Variants in SLC4A4 observed in about 807,000 individuals in gnomAD.
SLC4A4 encodes the protein solute carrier family 4 member 4.
A neutral mutation model predicts 111.5 loss-of-function variants in SLC4A4; 27 were observed. The observed-to-expected ratio is 0.24, with a 90% confidence interval of 0.18 to 0.33. The LOEUF (loss-of-function observed/expected upper bound fraction) is 0.33, where lower values mean the gene tolerates loss of function less well. Among genes scored for constraint, SLC4A4 ranks in the 10% least tolerant of loss-of-function variants. The pLI is 1.00. For synonymous variants in SLC4A4, 443 were observed against 463.4 expected (o/e 0.96, Z 0.57); for missense variants, 909 against 1,315.5 (o/e 0.69, Z 4.78).
intron 15 of SLC4A4, among the ~76,000 whole-genome samples, chr4:71,489,708 A>C (rs186576776): frequency 1.4e-3 from 205 of 151,532 alleles, no homozygotes; most frequent in African/African-American, 4.9e-3. Flanking sequence ...CCTATCCTGA[A>C]CCTTTCCTAG....
chr4:71,293,145 T>C (rs561708677), intron 3 of SLC4A4, among the ~76,000 whole-genome samples: 31 of 150,142 alleles, frequency 2.1e-4, no homozygotes, highest in African/African-American at 7.3e-4. Context: ...CCGGCCTCAA[T>C]TTTGTTTTTA....
At chr4:71,271,980 G>C (rs542702363) in intron 3 of SLC4A4, among the ~76,000 whole-genome samples, 1 of 152,190 alleles carries the variant, frequency 6.6e-6, no homozygotes, top group Non-Finnish European at 1.5e-5. Flanking sequence ...TCAAGGTCAC[G>C]TAGCTAGTAA....
chr4:71,385,644 A>G (rs747896117), intron 6 of SLC4A4, among the ~76,000 whole-genome samples: 2 of 152,224 alleles, frequency 1.3e-5, no homozygotes, highest in African/African-American at 4.8e-5. Flanking sequence ...AACTGTAAGT[A>G]CATTTTCTTT....
chr4:71,281,925 T>C (rs1266619525), intron 3 of SLC4A4, among the ~76,000 whole-genome samples: 3 of 139,066 alleles, frequency 2.2e-5, no homozygotes, highest in Non-Finnish European at 4.8e-5. Flanking sequence ...TTTCTCTTTC[T>C]TTTTTTTTTT....
intron 1 of SLC4A4, among the ~76,000 whole-genome samples, chr4:71,230,181 A>C (rs1719323408): frequency 6.6e-6 from 1 of 152,162 alleles, no homozygotes; most frequent in African/African-American, 2.4e-5. Context: ...ATGAGTGTAT[A>C]ATTTTAGGTG....
At chr4:71,226,314 T>C (rs1719046069) in intron 1 of SLC4A4, among the ~76,000 whole-genome samples, 1 of 152,236 alleles carries the variant, frequency 6.6e-6, no homozygotes, top group African/African-American at 2.4e-5. Context: ...CAGGCTTTGC[T>C]TCTGGCTATT....
At chr4:71,436,904 C>A in intron 7 of SLC4A4, 1 of 254,810 alleles carries the variant, frequency 3.9e-6, no homozygotes, top group Non-Finnish European at 7.7e-6. Context: ...CTCTTTCCCA[C>A]TGCAGTGAAA....
At chr4:71,254,720 CTTTAT>C (rs1270212163) in intron 2 of SLC4A4, among the ~76,000 whole-genome samples, 1 of 151,728 alleles carries the variant, frequency 6.6e-6, no homozygotes, top group Non-Finnish European at 1.5e-5. Flanking sequence ...TTTGATAAAT[CTTTAT>C]TTTTGCAGCG....
rs886186225 is a variant in SLC4A4, at chr4:71,443,922, C to T, written c.965+3149C>T. 2.6e-5 allele frequency among the ~76,000 whole-genome samples: 4 copies of T among 152,260 alleles called. No homozygotes were observed. The East Asian group carries it at 7.7e-4, about 29-fold the overall frequency. Reference sequence around the variant, plus strand: ...TCACATCCACCAGTTTAATTGCTAGCTGCTATTAATATTTACCGCATGTAA... The same window carrying T: ...TCACATCCACCAGTTTAATTGCTAGTTGCTATTAATATTTACCGCATGTAA... On this transcript the variant is annotated intron_variant, in intron 8 of 25. Transcript: ENST00000264485.
At chr4:71,341,896 T>C (rs376126755) in intron 4 of SLC4A4, among the ~76,000 whole-genome samples, 2 of 152,108 alleles carry the variant, frequency 1.3e-5, no homozygotes, top group South Asian at 4.2e-4. Flanking sequence ...CTTTCATAAC[T>C]TAAACAATGC....
chr4:71,288,864 A>T (rs1724117574), intron 3 of SLC4A4, among the ~76,000 whole-genome samples: 1 of 152,044 alleles, frequency 6.6e-6, no homozygotes. Flanking sequence ...CTTATGAGTT[A>T]AAAAAATCAA....
intron 1 of SLC4A4, among the ~76,000 whole-genome samples, chr4:71,067,348 T>C (rs1191932124): frequency 6.6e-6 from 1 of 152,128 alleles, no homozygotes; most frequent in East Asian, 1.9e-4. Context: ...TCTATTATAA[T>C]CTCTTAAAAA....
Position 71,176,177 on chromosome 4 carries a change from G to A in SLC4A4, c.-1-60399G>A, listed in dbSNP as rs181920973. On this transcript the variant is annotated intron_variant, in intron 2 of 26. Coordinates refer to the SLC4A4 transcript ENST00000649996. ...AGGACATCCACACCAAACCCCATCTGTACGTCACCATCATCAAAGACCAAA... is the reference window on the plus strand; with the variant it reads ...AGGACATCCACACCAAACCCCATCTATACGTCACCATCATCAAAGACCAAA... Among the ~76,000 whole-genome samples, 631 of 152,236 alleles carry A rather than the reference G, an allele frequency of 4.1e-3. 8 individuals carry two copies. Among genetic ancestry groups the A allele is most frequent in the African/African-American group, 0.014 (591 of 41,528 alleles).
Position 71,090,802 on chromosome 4 carries a change from T to G in SLC4A4, c.-64-1928T>G, listed in dbSNP as rs74994954. On this transcript the variant is annotated intron_variant, in intron 1 of 26. Coordinates refer to the SLC4A4 transcript ENST00000649996. ...TAGTCAGAGTTGTTCAGAGAAAGGC[T>G]GTTTCAAATGGCTCTACTAAGACAA... is the stretch of plus-strand genomic sequence containing the variant. Among the ~76,000 whole-genome samples, 340 of 152,344 alleles carry G rather than the reference T, an allele frequency of 2.2e-3. 1 individual carries two copies. Among genetic ancestry groups the G allele is most frequent in the African/African-American group, 7.7e-3 (321 of 41,582 alleles).
At chr4:71,486,830 T>A in intron 14 of SLC4A4, 118 bp from the exon 15 acceptor site, 1 of 607,110 alleles carries the variant, frequency 1.6e-6, no homozygotes, top group Non-Finnish European at 3.0e-6. Flanking sequence ...TGTGCCCTTA[T>A]GTTGTTATTA....
intron 7 of SLC4A4, among the ~76,000 whole-genome samples, chr4:71,420,709 C>A (rs1722367574): frequency 6.7e-6 from 1 of 149,250 alleles, no homozygotes. Context: ...GAATTTTCAA[C>A]CCAGAATTTC....
intron 7 of SLC4A4, among the ~76,000 whole-genome samples, chr4:71,406,391 A>G (rs920473972): frequency 2.0e-5 from 3 of 152,028 alleles, no homozygotes; most frequent in Non-Finnish European, 2.9e-5. Flanking sequence ...TTAATAGGGA[A>G]TCTCTGCAGA....
At chr4:71,531,557 G>A (rs1733915688) in intron 16 of SLC4A4, among the ~76,000 whole-genome samples, 1 of 152,024 alleles carries the variant, frequency 6.6e-6, no homozygotes, top group African/African-American at 2.4e-5. Context: ...GGTGTTTTCA[G>A]GCTGTCTTAT....
chr4:71,359,152 A>G (rs1410561540), intron 6 of SLC4A4, among the ~76,000 whole-genome samples: 8 of 152,208 alleles, frequency 5.3e-5, no homozygotes, highest in Non-Finnish European at 1.2e-4. Context: ...TTGGATATGG[A>G]ATACAACTAA....
Sources: gnomAD v4.1 joint callset for allele counts (sites outside exome capture counted in the v4.1 genomes callset) on GRCh38, gnomAD v4.1.1 for gene constraint, MANE v1.5 for transcripts, NCBI Gene and HGNC (gene_info 2026-07-23, HGNC 2026-07-21) for gene names.